Variants in ANO4 observed in about 807,000 individuals in gnomAD.
ANO4 encodes anoctamin-4.
Under a neutral mutation model 141.9 loss-of-function variants are expected in ANO4, and 69 were observed. The ratio of observed to expected loss-of-function variants is 0.49; its 90% CI spans 0.40 to 0.59. The LOEUF is 0.59. Ranked by LOEUF, ANO4 falls within the 20% of genes least tolerant of loss-of-function variation. The probability of loss-of-function intolerance (pLI) is 0.00; values close to 1 mark genes in which losing one functional copy is unlikely to be tolerated. For missense variants in ANO4, 894 were observed against 1,162.2 expected, an observed-to-expected ratio of 0.77 and a Z score of 3.36; for synonymous variants, 350 against 394.3, an observed-to-expected ratio of 0.89 and a Z score of 1.33.
chr12:100,931,489 T>C (rs988090337), intron 3 of ANO4, among the ~76,000 whole-genome samples: 6 of 152,162 alleles, frequency 3.9e-5, no homozygotes, highest in African/African-American at 1.4e-4. Context: ...GGGTCTGAAT[T>C]GAATGAAAAT....
intron 8 of ANO4, among the ~76,000 whole-genome samples, chr12:101,017,439 A>G (rs2046356879): frequency 6.6e-6 from 1 of 152,150 alleles, no homozygotes; most frequent in African/African-American, 2.4e-5. Context: ...ATCAAGCACC[A>G]CACTGCATTT....
At chr12:100,808,632 A>G (rs2035207820) in intron 1 of ANO4, among the ~76,000 whole-genome samples, 1 of 152,182 alleles carries the variant, frequency 6.6e-6, no homozygotes, top group South Asian at 2.1e-4. Context: ...ATTATTTGAC[A>G]TGGTTTATAA....
intron 11 of ANO4, among the ~76,000 whole-genome samples, chr12:101,040,920 A>C (rs1436472348): frequency 6.6e-6 from 1 of 152,190 alleles, no homozygotes; most frequent in Non-Finnish European, 1.5e-5. Flanking sequence ...ATGTCCCTGC[A>C]AAGGACATGA....
intron 2 of ANO4, among the ~76,000 whole-genome samples, chr12:100,909,040 A>G (rs994438614): frequency 6.6e-6 from 1 of 152,226 alleles, no homozygotes; most frequent in Non-Finnish European, 1.5e-5. Context: ...AAGAGAGACA[A>G]TCAGTCAGGG....
rs113994352 is a variant in ANO4, at chr12:101,120,726, A to G, written c.2676+101A>G. ...ATGGGGATTTTGAATGTGATTATCT[A>G]TATTTCCAGAAGTAGTAGTGTCATA... On this transcript the variant is annotated intron_variant, in intron 26 of 27. Coordinates refer to ENST00000392977, the MANE Select transcript of ANO4 (RefSeq NM_001286615.2). 3.6e-3 allele frequency: 3,196 copies of G among 900,272 alleles called. 37 individuals carry two copies. Among genetic ancestry groups the G allele is most frequent in the African/African-American group, 0.033 (2,019 of 60,464 alleles). 55.8% of individuals were successfully genotyped at this position (900,272 alleles called of 1,614,324 possible).
intron 5 of ANO4, among the ~76,000 whole-genome samples, chr12:100,970,318 C>T (rs1469036397): frequency 2.0e-5 from 3 of 152,202 alleles, no homozygotes; most frequent in East Asian, 3.9e-4. Flanking sequence ...GTGCGCTGCA[C>T]GTCCTGTCTT....
intron 14 of ANO4, among the ~76,000 whole-genome samples, chr12:101,074,170 C>G (rs1328573740): frequency 1.2e-4 from 19 of 152,266 alleles, no homozygotes; most frequent in Admixed American, 5.2e-4. Context: ...ATCGCTGTAG[C>G]ACAAAGGCAG....
intron 14 of ANO4, among the ~76,000 whole-genome samples, chr12:101,049,488 T>A (rs924701693): frequency 4.0e-5 from 6 of 150,474 alleles, no homozygotes; most frequent in African/African-American, 1.5e-4. Flanking sequence ...ATCTCATATT[T>A]TTTTTTTTTT....
chr12:100,935,023 C>G (rs1424511633), intron 3 of ANO4, among the ~76,000 whole-genome samples: 1 of 152,172 alleles, frequency 6.6e-6, no homozygotes, highest in Non-Finnish European at 1.5e-5. Flanking sequence ...AATATACAGT[C>G]ATGTCATCTG....
intron 9 of ANO4, among the ~76,000 whole-genome samples, chr12:101,023,805 A>G (rs2046629079): frequency 6.6e-6 from 1 of 152,246 alleles, no homozygotes; most frequent in African/African-American, 2.4e-5. Context: ...AAAACTACTA[A>G]TGGCCTGTAG....
intron 1 of ANO4, among the ~76,000 whole-genome samples, chr12:100,877,458 T>C (rs1368744319): frequency 6.6e-6 from 1 of 151,636 alleles, no homozygotes; most frequent in Non-Finnish European, 1.5e-5. Context: ...AAGCAGAGTC[T>C]ATGGGTTCCA....
intron 3 of ANO4, among the ~76,000 whole-genome samples, chr12:100,763,288 A>G (rs560609808): frequency 6.6e-6 from 1 of 152,312 alleles, no homozygotes; most frequent in Admixed American, 6.5e-5. Context: ...TGGCAGCACT[A>G]TCACCCCAGG....
At chr12:100,717,651 G>A (rs1836030127) in intron 1 of ANO4, 1 of 397,264 alleles carries the variant, frequency 2.5e-6, no homozygotes, top group African/African-American at 2.1e-5. Flanking sequence ...CTCTGCGGAG[G>A]GGTCTGGAAG....
chr12:100,987,571 G>T lies in ANO4; in HGVS notation c.635G>T (p.Trp212Leu). Residue 212 changes from tryptophan to leucine, a missense_variant, in exon 8 of 28, where the codon TGG (tryptophan) becomes TTG (leucine). This residue lies in a region of ANO4 where 257 missense variants were observed against 253.0 expected (regional missense o/e 1.02). Transcript: ENST00000392977. The stretch of plus-strand genomic sequence containing the variant: ...AAACAAATAAGCAGGTTTCGGAGAT[G>T]GTTACCTAAGAAGCCAATGAGGCTG... ...IDKQISRFRR[W>L]LPKKPMRLDK... The T allele has an allele frequency of 6.2e-7, 1 of 1,614,036 alleles. No homozygotes were observed. The highest frequency in any genetic ancestry group is 8.5e-7 in the Non-Finnish European group (1 of 1,179,986).
intron 1 of ANO4, among the ~76,000 whole-genome samples, chr12:100,860,909 G>A (rs2038435048): frequency 1.3e-5 from 2 of 152,198 alleles, no homozygotes; most frequent in Non-Finnish European, 2.9e-5. Flanking sequence ...CTGACTTCAA[G>A]AATGGGGCCG....
Position 101,107,929 on chromosome 12 carries a change from G to A in ANO4, c.2150-2475G>A, listed in dbSNP as rs374095851. Among the ~76,000 whole-genome samples the A allele has an allele frequency of 6.6e-5, 10 of 152,302 alleles. No homozygotes were observed. In the East Asian group the frequency reaches 1.9e-3, roughly 29 times the overall value. Reference sequence around the variant, plus strand: ...TGAGAGACATTTTTGAAGAGTAATTGTCAGGACTAGGAGGCTAATGGTTCT... The same window carrying A: ...TGAGAGACATTTTTGAAGAGTAATTATCAGGACTAGGAGGCTAATGGTTCT... On this transcript the variant is annotated intron_variant, in intron 22 of 27. Coordinates refer to ENST00000392977, the MANE Select transcript of ANO4 (RefSeq NM_001286615.2).
intron 1 of ANO4, among the ~76,000 whole-genome samples, chr12:100,829,019 TAA>T (rs34068673): frequency 1.6e-4 from 23 of 147,052 alleles, no homozygotes; most frequent in Middle Eastern, 3.4e-3. Flanking sequence ...GACTCTGTCT[TAA>T]AAAAAAAAAA....
intron 1 of ANO4, among the ~76,000 whole-genome samples, chr12:100,890,799 C>T (rs1039359401): frequency 6.6e-6 from 1 of 152,164 alleles, no homozygotes; most frequent in Non-Finnish European, 1.5e-5. Context: ...CACATCATCA[C>T]CCAGAGTCCA....
intron 3 of ANO4, among the ~76,000 whole-genome samples, chr12:100,756,986 A>T (rs1347735883): frequency 2.0e-5 from 3 of 151,320 alleles, no homozygotes; most frequent in Non-Finnish European, 4.4e-5. Context: ...TCCTGCAGGC[A>T]CTCTGACTCA....
Sources: allele counts gnomAD v4.1 joint callset (sites outside exome capture counted in the v4.1 genomes callset), GRCh38; gene constraint gnomAD v4.1.1; regional missense constraint gnomAD v4.1.1; transcripts MANE v1.5; gene names NCBI Gene and HGNC (gene_info 2026-07-23, HGNC 2026-07-21).